Variants in DYTN observed in about 807,000 individuals in gnomAD.
DYTN encodes dystrotelin.
DYTN carries 75 observed loss-of-function variants against 69.6 expected under a neutral mutation model. The observed-to-expected ratio is 1.08, with a 90% confidence interval of 0.89 to 1.31. DYTN has a LOEUF of 1.31. Among genes scored for constraint, DYTN ranks in the 50% most tolerant of loss-of-function variants. The pLI, the probability that DYTN is intolerant of heterozygous loss-of-function variation, is 0.00. For missense variants in DYTN, 726 were observed against 688.4 expected (o/e 1.05, Z -0.61); for synonymous variants, 252 against 249.1 (o/e 1.01, Z -0.11).
intron 8 of DYTN, among the ~76,000 whole-genome samples, chr2:206,694,117 G>GA (rs2105897670): frequency 6.6e-6 from 1 of 152,272 alleles, no homozygotes. Flanking sequence ...TTACTCACTG[G>GA]AATTTAGTAA....
chr2:206,699,007 A>AGG (rs1286743710), intron 7 of DYTN, among the ~76,000 whole-genome samples: 1 of 152,234 alleles, frequency 6.6e-6, no homozygotes, highest in Non-Finnish European at 1.5e-5. Context: ...CCCTTTGTAT[A>AGG]GGCTTACAAC....
rs899979111 is a variant in DYTN at position 206,707,248 on chromosome 2, C to T, written c.296+54G>A. On this transcript the variant is annotated intron_variant, in intron 3 of 11. Transcript: ENST00000452335. ...TAGCCAGCACCAAATGGTAAATGACCACTGGAAACTAAACTTTGCCTTTGA... is the reference window on the plus strand; with the variant it reads ...TAGCCAGCACCAAATGGTAAATGACTACTGGAAACTAAACTTTGCCTTTGA... The T allele has an allele frequency of 1.5e-5, 23 of 1,564,682 alleles. No homozygotes were observed. In the Middle Eastern group the frequency reaches 5.6e-4, roughly 38 times the overall value.
At chr2:206,654,985 C>T (rs1699431727) in intron 11 of DYTN, among the ~76,000 whole-genome samples, 1 of 152,136 alleles carries the variant, frequency 6.6e-6, no homozygotes. Flanking sequence ...TGTCTAATTA[C>T]TCTGGCTAGG....
rs757879239 is a variant in DYTN at position 206,693,162 on chromosome 2, C to A, written c.980+13G>T. 7 of 1,598,968 alleles carry A rather than the reference C, an allele frequency of 4.4e-6. No individual in the cohort carries two copies. The African/African-American group carries it at 8.0e-5, about 18-fold the overall frequency. ...CTGCTCTGTGGGATCAGCCAATCCT[C>A]GCAGCCACTCACCTGGCCTGCGCAT... On this transcript the variant is annotated intron_variant, in intron 9 of 11. Coordinates refer to ENST00000452335, the MANE Select transcript of DYTN (RefSeq NM_001093730.1).
At chr2:206,671,592 T>G (rs929157222) in intron 9 of DYTN, among the ~76,000 whole-genome samples, 1 of 152,242 alleles carries the variant, frequency 6.6e-6, no homozygotes, top group African/African-American at 2.4e-5. Context: ...TTTACCTCTA[T>G]TCAGTCTCTA....
chr2:206,689,596 C>T (rs115142314), intron 9 of DYTN, among the ~76,000 whole-genome samples: 72 of 152,300 alleles, frequency 4.7e-4, no homozygotes, highest in African/African-American at 1.7e-3. Context: ...CCTCATCTCA[C>T]CTCCAGAAAT....
Position 206,700,210 on chromosome 2 carries a change from T to C in DYTN, c.490A>G (p.Thr164Ala). Residue 164 changes from threonine (T) to alanine (A), a missense_variant, in exon 6 of 12, where the codon ACT becomes GCT. Transcript: ENST00000452335. ...AGAGCACGACTCTCTCCCACGAAAG[T>C]TGGGATCTGCAAGAGACAACCTCAT... Reference protein sequence around the residue: ...KLLTDLQQIPTFVGESRALCP... With the variant: ...KLLTDLQQIPAFVGESRALCP... 7 of 1,613,804 alleles carry C rather than the reference T, an allele frequency of 4.3e-6. No homozygotes were observed. Among genetic ancestry groups the C allele is most frequent in the South Asian group, 3.3e-5 (3 of 91,080 alleles).
intron 5 of DYTN, among the ~76,000 whole-genome samples, chr2:206,701,867 A>G (rs755738885): frequency 7.9e-5 from 12 of 152,198 alleles, no homozygotes; most frequent in Admixed American, 7.2e-4. Flanking sequence ...TATGCAGTGT[A>G]TATCTATCTC....
chr2:206,685,653 T>C (rs1449417453), intron 9 of DYTN, among the ~76,000 whole-genome samples: 1 of 151,984 alleles, frequency 6.6e-6, no homozygotes, highest in Non-Finnish European at 1.5e-5. Flanking sequence ...CAGGCCAAGT[T>C]CATCAAGTCA....
At chr2:206,675,844 G>A (rs1699680906) in intron 9 of DYTN, among the ~76,000 whole-genome samples, 1 of 152,106 alleles carries the variant, frequency 6.6e-6, no homozygotes, top group Admixed American at 6.5e-5. Context: ...CATCATCACT[G>A]GTCGTTAGAG....
At chr2:206,680,780 A>G (rs1054966956) in intron 9 of DYTN, among the ~76,000 whole-genome samples, 2 of 152,172 alleles carry the variant, frequency 1.3e-5, no homozygotes, top group Admixed American at 1.3e-4. Context: ...TCTTTGCTGA[A>G]TGACATTGCT....
chr2:206,660,489 G>T (rs1433214853), intron 11 of DYTN, among the ~76,000 whole-genome samples: 2 of 152,010 alleles, frequency 1.3e-5, no homozygotes, highest in African/African-American at 4.8e-5. Flanking sequence ...CTCATTTAGA[G>T]AAACAAAAAT....
intron 11 of DYTN, among the ~76,000 whole-genome samples, chr2:206,656,821 G>A (rs1699455149): frequency 6.7e-6 from 1 of 149,446 alleles, no homozygotes. Flanking sequence ...GGAGTGCAAT[G>A]GCATGATCTT....
At chr2:206,656,209 AT>A (rs1161823098) in intron 11 of DYTN, among the ~76,000 whole-genome samples, 1 of 152,108 alleles carries the variant, frequency 6.6e-6, no homozygotes, top group Non-Finnish European at 1.5e-5. Flanking sequence ...TTCTGGGTAA[AT>A]TGACCCTTTT....
At chr2:206,706,495 TAAA>T (rs77632434) in intron 3 of DYTN, among the ~76,000 whole-genome samples, 13 of 144,978 alleles carry the variant, frequency 9.0e-5, no homozygotes, top group African/African-American at 2.5e-4. Context: ...TAAAAAAAAT[TAAA>T]AAAAAAAAAA....
intron 9 of DYTN, among the ~76,000 whole-genome samples, chr2:206,691,030 A>G (rs1699856658): frequency 6.6e-6 from 1 of 152,222 alleles, no homozygotes; most frequent in South Asian, 2.1e-4. Flanking sequence ...AAGGATTTGG[A>G]AGGGATGAGT....
At chr2:206,664,566 C>T (rs536485805) in intron 10 of DYTN, among the ~76,000 whole-genome samples, 7 of 151,946 alleles carry the variant, frequency 4.6e-5, no homozygotes, top group East Asian at 1.9e-4. Context: ...GAGGTTGAGG[C>T]GGGAGGATTG....
chr2:206,712,577 C>A (rs991850701), intron 1 of DYTN, among the ~76,000 whole-genome samples: 1 of 152,054 alleles, frequency 6.6e-6, no homozygotes, highest in Non-Finnish European at 1.5e-5. Context: ...GGAGGAGGAG[C>A]CAGGAGAGAC....
At position 206,663,108 on chromosome 2, in the gene DYTN, G is replaced by A; in HGVS notation, c.1428C>T (p.Val476=). The A allele has an allele frequency of 6.2e-7, 1 of 1,613,844 alleles. No individual in the cohort carries two copies. The highest frequency in any genetic ancestry group is 8.5e-7 in the Non-Finnish European group (1 of 1,179,864). ...QSQTQKMPQK[V]ISALPSYQEG... is the part of the protein sequence containing the mutation. ...CCTGATAACTGGGTAGGGCACTAAT[G>A]ACTTTCTGTGGCATCTTTTGTGTTT... The change falls in exon 11 of 12, where the codon GTC becomes GTT. Residue 476 remains valine (V), a synonymous_variant. Coordinates refer to ENST00000452335, the MANE Select transcript of DYTN (RefSeq NM_001093730.1).
Sources: allele counts gnomAD v4.1 joint callset (sites outside exome capture counted in the v4.1 genomes callset), GRCh38; gene constraint gnomAD v4.1.1; transcripts MANE v1.5; gene names NCBI Gene and HGNC (gene_info 2026-07-23, HGNC 2026-07-21).